TNFAIP8: variants seen among roughly 807,000 people sequenced by gnomAD.
TNFAIP8 encodes tumor necrosis factor alpha-induced protein 8.
TNFAIP8 carries 7 observed loss-of-function variants against 13.3 expected under a neutral mutation model. That is an observed-to-expected ratio of 0.52 (90% CI 0.30 to 0.99). The LOEUF is 0.99. Ranked by LOEUF, TNFAIP8 falls within the 50% of genes least tolerant of loss-of-function variation. The probability of loss-of-function intolerance (pLI) is 0.07; values close to 1 mark genes in which losing one functional copy is unlikely to be tolerated. For synonymous variants in TNFAIP8, 94 were observed against 87.6 expected (o/e 1.07, Z -0.41); for missense variants, 258 against 236.9 (o/e 1.09, Z -0.58).
At chr5:119,361,497 C>T (rs1325622095) in intron 1 of TNFAIP8, among the ~76,000 whole-genome samples, 1 of 152,128 alleles carries the variant, frequency 6.6e-6, no homozygotes, top group Non-Finnish European at 1.5e-5. Context: ...ATAATACATT[C>T]TCCAGCTTTG....
chr5:119,291,592 G>A (rs936636506), intron 1 of TNFAIP8, among the ~76,000 whole-genome samples: 1 of 152,214 alleles, frequency 6.6e-6, no homozygotes, highest in Non-Finnish European at 1.5e-5. Context: ...TACCAGCCAC[G>A]GAGTGCAGGA....
intron 1 of TNFAIP8, among the ~76,000 whole-genome samples, chr5:119,284,298 G>A (rs6866644): frequency 1.3e-5 from 2 of 151,928 alleles, no homozygotes; most frequent in Non-Finnish European, 2.9e-5. Flanking sequence ...AACAGAGCTG[G>A]GTTCCAGAGG....
chr5:119,298,665 T>C (rs1269385061), intron 1 of TNFAIP8, among the ~76,000 whole-genome samples: 1 of 152,140 alleles, frequency 6.6e-6, no homozygotes, highest in Non-Finnish European at 1.5e-5. Flanking sequence ...CCTTGCTGGA[T>C]TGGGGAAGTT....
intron 1 of TNFAIP8, among the ~76,000 whole-genome samples, chr5:119,299,296 CCTTT>C (rs1749282135): frequency 6.6e-6 from 1 of 152,114 alleles, no homozygotes; most frequent in Non-Finnish European, 1.5e-5. Context: ...GTGTGGATGT[CCTTT>C]CTGTTTGTTA....
At chr5:119,295,677 C>G (rs375503789) in intron 1 of TNFAIP8, among the ~76,000 whole-genome samples, 42 of 152,068 alleles carry the variant, frequency 2.8e-4, no homozygotes, top group South Asian at 8.3e-4. Context: ...AAAGTCATTG[C>G]TAGCTTGATG....
intron 1 of TNFAIP8, among the ~76,000 whole-genome samples, chr5:119,300,691 C>G (rs550996599): frequency 2.6e-5 from 4 of 152,190 alleles, no homozygotes; most frequent in Non-Finnish European, 5.9e-5. Context: ...AACTGAATAA[C>G]TTGCCTGAGA....
intron 1 of TNFAIP8, among the ~76,000 whole-genome samples, chr5:119,342,108 C>T (rs1167256845): frequency 6.6e-6 from 1 of 152,210 alleles, no homozygotes; most frequent in Admixed American, 6.5e-5. Flanking sequence ...CATCCACCGG[C>T]TTTTCCTCCA....
intron 1 of TNFAIP8, among the ~76,000 whole-genome samples, chr5:119,287,196 A>G (rs892555621): frequency 6.8e-6 from 1 of 146,516 alleles, no homozygotes; most frequent in Non-Finnish European, 1.5e-5. Flanking sequence ...CTTTCTTTAT[A>G]TTGATTCTAT....
intron 1 of TNFAIP8, among the ~76,000 whole-genome samples, chr5:119,344,351 C>T (rs747352293): frequency 1.1e-4 from 17 of 152,148 alleles, no homozygotes; most frequent in Non-Finnish European, 2.9e-5. Context: ...AGGACTCACT[C>T]GTTACCATGG....
In TNFAIP8 at chr5:119,343,200, A is replaced by T. The variant is rs541110934; in HGVS notation, c.2-49616A>T. ...AGCACAATCCATTAATTAAGTCTGG[A>T]GTCCACTGGACTTCTACCGGGGATG... On this transcript the variant is annotated intron_variant, in intron 1 of 1. Transcript: ENST00000274456. 5.9e-5 allele frequency among the ~76,000 whole-genome samples: 9 copies of T among 152,334 alleles called. No homozygotes were observed. In the East Asian group the frequency reaches 1.7e-3, roughly 29 times the overall value.
At chr5:119,374,783 C>A (rs1044385603) in intron 1 of TNFAIP8, among the ~76,000 whole-genome samples, 1 of 152,206 alleles carries the variant, frequency 6.6e-6, no homozygotes, top group Non-Finnish European at 1.5e-5. Flanking sequence ...GTTTCCCACT[C>A]TCCTCCCTCA....
At chr5:119,388,936 G>A (rs1235169604) in intron 1 of TNFAIP8, among the ~76,000 whole-genome samples, 3 of 151,992 alleles carry the variant, frequency 2.0e-5, no homozygotes, top group South Asian at 2.1e-4. Flanking sequence ...GAGCCACTGC[G>A]CCCGGCCCCA....
intron 1 of TNFAIP8, among the ~76,000 whole-genome samples, chr5:119,307,896 A>G (rs755784131): frequency 6.6e-6 from 1 of 152,178 alleles, no homozygotes; most frequent in Non-Finnish European, 1.5e-5. Flanking sequence ...CAGACACCCC[A>G]TGTTTATCAG....
In TNFAIP8 at chr5:119,391,441, C is replaced by T. The variant is rs1488350497; in HGVS notation, c.32-1375C>T. The T allele has an allele frequency of 3.4e-5, 24 of 702,042 alleles. 1 individual carries two copies. The Admixed American group carries it at 4.8e-4, about 14-fold the overall frequency. The allele number at this position is 702,042 out of a possible 1,614,324, so 43.5% of individuals were successfully genotyped here. A position where few individuals can be genotyped will look rare whatever the true frequency, so the allele number is the denominator to read the frequency against. On this transcript the variant is annotated intron_variant, in intron 1 of 1. Transcript: ENST00000504771. Reference sequence around the variant, plus strand: ...AGAGATTGAGTAGACACCCAAAGAACTGCAGTTCTTAAGCCTTAGGAGAAG... The same window carrying T: ...AGAGATTGAGTAGACACCCAAAGAATTGCAGTTCTTAAGCCTTAGGAGAAG...
At chr5:119,316,424 G>A (rs1055279142) in intron 1 of TNFAIP8, 7 of 152,148 alleles carry the variant, frequency 4.6e-5, no homozygotes, top group African/African-American at 7.2e-5. Context: ...CTCCCAAAGT[G>A]CTAGGATTAC....
chr5:119,279,689 CTCTCGCCTCAACCTTT>C (rs1317127296), intron 1 of TNFAIP8, among the ~76,000 whole-genome samples: 1 of 152,180 alleles, frequency 6.6e-6, no homozygotes, highest in Non-Finnish European at 1.5e-5. Flanking sequence ...TCAAGCAGTT[CTCTCGCCTCAACCTTT>C]TGTGTAGCTG....
intron 1 of TNFAIP8, among the ~76,000 whole-genome samples, chr5:119,294,619 A>G (rs1749107085): frequency 6.6e-6 from 1 of 152,166 alleles, no homozygotes; most frequent in African/African-American, 2.4e-5. Context: ...GCATCTCCAC[A>G]CTGACTTCCA....
At chr5:119,316,507 G>T (rs1238706966) in intron 1 of TNFAIP8, among the ~76,000 whole-genome samples, 1 of 152,128 alleles carries the variant, frequency 6.6e-6, no homozygotes, top group African/African-American at 2.4e-5. Flanking sequence ...CTGGTACCAA[G>T]ATAAAGAAGA....
rs1206833602 is a variant in TNFAIP8 at position 119,336,154 on chromosome 5, A to T, written c.2-56662A>T. On this transcript the variant is annotated intron_variant, in intron 1 of 1. Transcript: ENST00000274456. ...AGATGGTGGGACCTTGTGGACAGTT[A>T]TAATGAATTTGACTTGTACTGGGCA... is the stretch of plus-strand genomic sequence containing the variant. Among the ~76,000 whole-genome samples the T allele has an allele frequency of 2.0e-5, 3 of 152,316 alleles. No homozygotes were observed. In the East Asian group the frequency reaches 5.8e-4, roughly 29 times the overall value.
Sources: gnomAD v4.1 joint callset for allele counts (sites outside exome capture counted in the v4.1 genomes callset) on GRCh38, gnomAD v4.1.1 for gene constraint, MANE v1.5 for transcripts, NCBI Gene and HGNC (gene_info 2026-07-23, HGNC 2026-07-21) for gene names.